MPP7: variants seen among roughly 807,000 people sequenced by gnomAD.
The protein encoded by MPP7 is MAGUK p55 subfamily member 7.
In MPP7, 60 loss-of-function variants were observed where a neutral mutation model predicts 76.5. The ratio of observed to expected loss-of-function variants is 0.78; its 90% CI spans 0.64 to 0.97. MPP7 has a LOEUF of 0.97. Among genes scored for constraint, MPP7 ranks in the 50% least tolerant of loss-of-function variants. The probability of loss-of-function intolerance (pLI) is 0.00; values close to 1 mark genes in which losing one functional copy is unlikely to be tolerated. For synonymous variants in MPP7, 237 were observed against 244.5 expected (o/e 0.97, Z 0.29); for missense variants, 641 against 694.0 (o/e 0.92, Z 0.86).
chr10:28,252,815 T>A (rs1168160438), intron 1 of MPP7, among the ~76,000 whole-genome samples: 1 of 152,154 alleles, frequency 6.6e-6, no homozygotes, highest in African/African-American at 2.4e-5. Context: ...AAGCTTCCAT[T>A]TCTGACATCC....
rs141278345 is a variant in MPP7 at position 28,194,101 on chromosome 10, G to A, written c.156+8052C>T. On this transcript the variant is annotated intron_variant, in intron 3 of 16. Coordinates refer to ENST00000683449, the MANE Select transcript of MPP7 (RefSeq NM_001318170.2). ...ACAATCTCAACTCACTGCAACCTCC[G>A]CCTCCTGGATTCAAGCGATTCTTCT... Among the ~76,000 whole-genome samples the A allele has an allele frequency of 1.9e-3, 294 of 152,272 alleles. 2 individuals carry two copies. The highest frequency in any genetic ancestry group is 5.8e-3 in the African/African-American group (243 of 41,554).
chr10:28,166,477 G>A (rs776931698), intron 3 of MPP7, among the ~76,000 whole-genome samples: 5 of 143,154 alleles, frequency 3.5e-5, no homozygotes, highest in Admixed American at 7.4e-5. Context: ...GTGCAATCTC[G>A]GCTCACCGCA....
chr10:28,280,721 C>G lies in MPP7; in HGVS notation c.-132+22140G>C, dbSNP rs546230643. Among the ~76,000 whole-genome samples, 29 of 152,156 alleles carry G rather than the reference C, an allele frequency of 1.9e-4. No individual in the cohort carries two copies. In the South Asian group the frequency reaches 5.8e-3, roughly 30 times the overall value. ...CTCCTAAAGGCAGGCTAGGGCGCAG[C>G]CTAGAGGAGGTGCAACAGCCAAGAC... On this transcript the variant is annotated intron_variant, in intron 1 of 16. Coordinates refer to ENST00000683449, the MANE Select transcript of MPP7 (RefSeq NM_001318170.2).
chr10:28,082,014 A>G lies in MPP7; in HGVS notation c.1123+7657T>C, dbSNP rs1852786822. 1.3e-5 allele frequency among the ~76,000 whole-genome samples: 2 copies of G among 152,126 alleles called. 1 individual carries two copies. The highest frequency in any genetic ancestry group is 4.1e-4 in the South Asian group (2 of 4,828). On this transcript the variant is annotated intron_variant, in intron 12 of 16. Transcript: ENST00000683449. Reference sequence around the variant, plus strand: ...TGATCCACCTGCCTCAGCCTCCCAAAAAGTGCTGGGATTACAGGCATGAGC... The same window carrying G: ...TGATCCACCTGCCTCAGCCTCCCAAGAAGTGCTGGGATTACAGGCATGAGC...
In MPP7 at chr10:28,052,227, A is replaced by G. The variant is rs927436171; in HGVS notation, c.*1838T>C. The G allele has an allele frequency of 2.0e-5, 3 of 152,240 alleles. No homozygotes were observed. Among genetic ancestry groups the G allele is most frequent in the Non-Finnish European group, 2.9e-5 (2 of 68,040 alleles). The allele number at this position is 152,240 out of a possible 1,614,324, so 9.4% of individuals were successfully genotyped here. On this transcript the variant is annotated 3_prime_UTR_variant, in exon 17 of 17. Coordinates refer to ENST00000683449, the MANE Select transcript of MPP7 (RefSeq NM_001318170.2). ...ATGTCCCATCATTCTTTGTACAAGA[A>G]GTCTTGATTTATAGAAAATTTCAGA...
At chr10:28,251,387 G>A (rs766975967) in intron 1 of MPP7, among the ~76,000 whole-genome samples, 4 of 151,680 alleles carry the variant, frequency 2.6e-5, no homozygotes, top group Admixed American at 1.3e-4. Context: ...GCTTGAACCC[G>A]GGAGGCGGAG....
At chr10:28,083,276 T>C (rs1361432769) in intron 12 of MPP7, among the ~76,000 whole-genome samples, 3 of 152,070 alleles carry the variant, frequency 2.0e-5, no homozygotes, top group Non-Finnish European at 4.4e-5. Context: ...AAGCAAATAA[T>C]AGGGAATACT....
chr10:28,306,898 G>T (rs989576750), upstream of MPP7, among the ~76,000 whole-genome samples: 1 of 152,254 alleles, frequency 6.6e-6, no homozygotes, highest in Non-Finnish European at 1.5e-5. Context: ...CTACACCTGT[G>T]CTCTATTCTC....
chr10:28,223,061 G>C (rs946124029), intron 2 of MPP7, among the ~76,000 whole-genome samples: 3 of 151,526 alleles, frequency 2.0e-5, no homozygotes, highest in Admixed American at 6.6e-5. Context: ...TTGAACCCGG[G>C]AGGCAGAGGT....
chr10:28,091,397 C>T (rs1853295430), intron 11 of MPP7, among the ~76,000 whole-genome samples: 1 of 151,706 alleles, frequency 6.6e-6, no homozygotes, highest in African/African-American at 2.4e-5. Flanking sequence ...AAGTGATTCC[C>T]CTGCCTCAGC....
intron 3 of MPP7, among the ~76,000 whole-genome samples, chr10:28,161,185 T>C (rs1307252001): frequency 6.6e-6 from 1 of 152,212 alleles, no homozygotes; most frequent in Middle Eastern, 3.2e-3. Flanking sequence ...ATTTTTCATT[T>C]ACTTTCATGC....
At chr10:28,099,595 G>A (rs1194187853) in intron 11 of MPP7, among the ~76,000 whole-genome samples, 24 of 151,946 alleles carry the variant, frequency 1.6e-4, no homozygotes, top group African/African-American at 5.1e-4. Context: ...ACCTGAGGTC[G>A]GGAGTTCGAG....
intron 3 of MPP7, among the ~76,000 whole-genome samples, chr10:28,195,649 G>T (rs554862479): frequency 1.3e-5 from 2 of 152,166 alleles, no homozygotes; most frequent in Non-Finnish European, 2.9e-5. Context: ...AGCCACAGAT[G>T]ATGCCATTTA....
intron 13 of MPP7, 108 bp downstream of exon 13, chr10:28,069,664 T>C (rs1052284965): frequency 1.2e-6 from 1 of 826,222 alleles, no homozygotes; most frequent in Non-Finnish European, 1.8e-6. Flanking sequence ...ACCTACCATG[T>C]ACCCAAAAAA....
rs1220976549 is a variant in MPP7, at chr10:28,272,914, TTTTG to T, written c.-132+29943_-132+29946del. 3.9e-5 allele frequency among the ~76,000 whole-genome samples: 6 copies of T among 152,160 alleles called. No homozygotes were observed. In the East Asian group the frequency reaches 5.8e-4, roughly 15 times the overall value. ...AAAACAACCCAAAATGGTTTGTTTTTTTTGTTTGTTTGTTTGTTTTTGAGATGGA... is the reference window on the plus strand; with the variant it reads ...AAAACAACCCAAAATGGTTTGTTTTTTTTGTTTGTTTGTTTTTGAGATGGA... On this transcript the variant is annotated intron_variant, in intron 1 of 16. Transcript: ENST00000683449.
chr10:28,170,008 G>A (rs185661714), intron 3 of MPP7, among the ~76,000 whole-genome samples: 1 of 152,076 alleles, frequency 6.6e-6, no homozygotes, highest in Non-Finnish European at 1.5e-5. Context: ...TATTTTTAAA[G>A]GAATGCTTTT....
chr10:28,310,465 A>G (rs1055432744), intron 2 of MPP7, among the ~76,000 whole-genome samples: 6 of 152,164 alleles, frequency 3.9e-5, no homozygotes, highest in African/African-American at 1.2e-4. Flanking sequence ...ACTCGTTGCC[A>G]CCATGGTACC....
In MPP7 at chr10:28,052,042, C is replaced by A. The variant is rs1266022747; in HGVS notation, c.*2023G>T. On this transcript the variant is annotated 3_prime_UTR_variant, in exon 17 of 17. Transcript: ENST00000683449. ...TTTTTATAACATCTTATTATTACCA[C>A]CACCAAAAAAGGACTCAGTTTCTCC... 6.6e-6 allele frequency: 1 copy of A among 152,074 alleles called. No homozygotes were observed. The highest frequency in any genetic ancestry group is 2.4e-5 in the African/African-American group (1 of 41,406). The allele number at this position is 152,074 out of a possible 1,614,324, so 9.4% of individuals were successfully genotyped here. A position where few individuals can be genotyped will look rare whatever the true frequency, so the allele number is the denominator to read the frequency against.
At chr10:28,064,886 A>C (rs776250739) in intron 13 of MPP7, among the ~76,000 whole-genome samples, 1 of 152,206 alleles carries the variant, frequency 6.6e-6, no homozygotes, top group Non-Finnish European at 1.5e-5. Context: ...AAACTGGTAC[A>C]TTGTACTCTA....
Sources: allele counts gnomAD v4.1 joint callset (sites outside exome capture counted in the v4.1 genomes callset), GRCh38; gene constraint gnomAD v4.1.1; transcripts MANE v1.5; gene names NCBI Gene and HGNC (gene_info 2026-07-23, HGNC 2026-07-21).